The following LRRC57 variants were observed in gnomAD, a reference collection of about 807,000 sequenced individuals.
LRRC57 encodes leucine rich repeat containing 57, also known as leucine-rich repeat-containing protein 57.
In LRRC57, 14 loss-of-function variants were observed where a neutral mutation model predicts 23.1. That is an observed-to-expected ratio of 0.61 (90% CI 0.40 to 0.95). LRRC57 has a LOEUF of 0.95. Among genes scored for constraint, LRRC57 ranks in the 40% least tolerant of loss-of-function variants. The pLI, the probability that LRRC57 is intolerant of heterozygous loss-of-function variation, is 0.00. For missense variants in LRRC57, 236 were observed against 284.4 expected, an observed-to-expected ratio of 0.83 and a Z score of 1.22; for synonymous variants, 106 against 115.2, an observed-to-expected ratio of 0.92 and a Z score of 0.51.
rs1337675704 is a variant in LRRC57 at position 42,539,881 on chromosome 15, T to A, written c.*4202A>T. ...TAGACGCAGGAAAGAGGCTTAGACA[T>A]ACAGAATGAGCATATTAATTAAGAG... On this transcript the variant is annotated 3_prime_UTR_variant, in exon 6 of 6. Transcript: ENST00000397130. The A allele has an allele frequency of 6.6e-6, 1 of 152,004 alleles. No homozygotes were observed. The highest frequency in any genetic ancestry group is 1.5e-5 in the Non-Finnish European group (1 of 67,984). 9.4% of individuals were successfully genotyped at this position (152,004 alleles called of 1,614,324 possible).
At chr15:42,548,629 T>C in intron 1 of LRRC57, 64 bp downstream of exon 1, 1 of 640,390 alleles carries the variant, frequency 1.6e-6, no homozygotes, top group Non-Finnish European at 2.7e-6. Flanking sequence ...CTGCCGCCTT[T>C]GCAGCTCTGC....
At position 42,539,311 on chromosome 15, in the gene LRRC57, T is replaced by G. The variant is rs1451789868; in HGVS notation, c.*4772A>C. On this transcript the variant is annotated 3_prime_UTR_variant, in exon 6 of 6. Transcript: ENST00000397130. ...CTGGCTAACATAGTGAAACCCCATT[T>G]TACTAAAAATACAAAAATTAGCTGG... 2 of 151,392 alleles carry G rather than the reference T, an allele frequency of 1.3e-5. No homozygotes were observed. The highest frequency in any genetic ancestry group is 3.9e-4 in the East Asian group (2 of 5,166). The allele number at this position is 151,392 out of a possible 1,614,324, so 9.4% of individuals were successfully genotyped here.
At chr15:42,546,589 G>C (rs952754451) in intron 4 of LRRC57, among the ~76,000 whole-genome samples, 7 of 152,142 alleles carry the variant, frequency 4.6e-5, no homozygotes, top group Non-Finnish European at 8.8e-5. Context: ...ACAGACACTA[G>C]AAAACTAAAG....
At position 42,542,102 on chromosome 15, in the gene LRRC57, C is replaced by A. The variant is rs2057633357; in HGVS notation, c.*1981G>T. 7.4e-6 allele frequency: 1 copy of A among 135,170 alleles called. No homozygotes were observed. Among genetic ancestry groups the A allele is most frequent in the African/African-American group, 2.8e-5 (1 of 35,650 alleles). The allele number at this position is 135,170 out of a possible 1,614,324, so 8.4% of individuals were successfully genotyped here. ...ACGCAGTCTCACTCTATTGCCCAGG[C>A]TGGAGTTCAATGGCACCCTCACTGC... On this transcript the variant is annotated 3_prime_UTR_variant, in exon 6 of 6. Transcript: ENST00000397130.
Position 42,540,424 on chromosome 15 carries a change from A to T in LRRC57, c.*3659T>A, listed in dbSNP as rs1228666665. Reference sequence around the variant, plus strand: ...ATTAGGTATTATAAGTAATCTAGAGATAATTTAAAGTATCAGGAAGATACT... The same window carrying T: ...ATTAGGTATTATAAGTAATCTAGAGTTAATTTAAAGTATCAGGAAGATACT... On this transcript the variant is annotated 3_prime_UTR_variant, in exon 6 of 6. Coordinates refer to ENST00000397130, the MANE Select transcript of LRRC57 (RefSeq NM_153260.3). The T allele has an allele frequency of 6.6e-6, 1 of 152,188 alleles. No homozygotes were observed. Among genetic ancestry groups the T allele is most frequent in the African/African-American group, 2.4e-5 (1 of 41,442 alleles). 9.4% of individuals were successfully genotyped at this position (152,188 alleles called of 1,614,324 possible).
chr15:42,528,398 G>A, the LRRC57 span: 51 of 1,614,026 alleles, frequency 3.2e-5, no homozygotes, highest in Middle Eastern at 1.6e-4. Context: ...AACGGGAGCA[G>A]CCAGTGGTGG....
chr15:42,548,095 G>T lies in LRRC57; in HGVS notation c.223+11C>A. On this transcript the variant is annotated intron_variant, in intron 3 of 5. Transcript: ENST00000397130. ...GATCACTAGCAAAAGCCTCCCTGGC[G>T]AGAGCCATACTCAGTTTGTTGTTGT... The T allele has an allele frequency of 6.2e-7, 1 of 1,613,914 alleles. No individual in the cohort carries two copies. Among genetic ancestry groups the T allele is most frequent in the Non-Finnish European group, 8.5e-7 (1 of 1,179,870 alleles).
chr15:42,548,763 C>T lies in LRRC57; in HGVS notation c.-93G>A, dbSNP rs950025862. ...GACCCGCAGTAGCCGGGATGCGCTC[C>T]CCGGCTTAGTCCCGGGCGGGAACGC... On this transcript the variant is annotated 5_prime_UTR_variant, in exon 1 of 6. Coordinates refer to ENST00000397130, the MANE Select transcript of LRRC57 (RefSeq NM_153260.3). 2 of 791,594 alleles carry T rather than the reference C, an allele frequency of 2.5e-6. No individual in the cohort carries two copies. The highest frequency in any genetic ancestry group is 3.5e-5 in the South Asian group (2 of 57,516). The allele number at this position is 791,594 out of a possible 1,614,324, so 49.0% of individuals were successfully genotyped here. A position where few individuals can be genotyped will look rare whatever the true frequency, so the allele number is the denominator to read the frequency against.
At chr15:42,545,792 TCCTTA>T (rs1247907868) in intron 4 of LRRC57, among the ~76,000 whole-genome samples, 4 of 152,200 alleles carry the variant, frequency 2.6e-5, no homozygotes, top group African/African-American at 9.6e-5. Flanking sequence ...TTTGGATTCT[TCCTTA>T]CTTCTCTTGT....
intron 4 of LRRC57, among the ~76,000 whole-genome samples, chr15:42,545,651 C>T (rs980208845): frequency 5.9e-5 from 9 of 152,150 alleles, no homozygotes; most frequent in African/African-American, 2.2e-4. Flanking sequence ...TTTATGTGTA[C>T]ATAGATACTG....
chr15:42,537,561 T>A (rs888748661), downstream of LRRC57, among the ~76,000 whole-genome samples: 1 of 152,018 alleles, frequency 6.6e-6, no homozygotes, highest in African/African-American at 2.4e-5. Context: ...GGAAAGGAAA[T>A]CAATATATTA....
chr15:42,529,907 C>A, the LRRC57 span: 2 of 1,396,180 alleles, frequency 1.4e-6, no homozygotes, highest in Admixed American at 2.1e-5. Flanking sequence ...GTGGGGGACA[C>A]GGTAGAATAA....
intron 4 of LRRC57, 29 bp from the exon 5 acceptor site, chr15:42,545,291 GAAAAAGCATAAGCA>G: frequency 6.6e-7 from 1 of 1,509,272 alleles, no homozygotes; most frequent in Non-Finnish European, 8.9e-7. Context: ...AGAATAACAG[GAAAAAGCATAAGCA>G]CTATACTGGT....
chr15:42,534,716 CACA>C (rs1006207884), downstream of LRRC57, among the ~76,000 whole-genome samples: 27 of 152,308 alleles, frequency 1.8e-4, no homozygotes, highest in African/African-American at 6.3e-4. Context: ...ATGAAAACAA[CACA>C]ACATTAATCT....
the LRRC57 span, among the ~76,000 whole-genome samples, chr15:42,529,220 G>T: frequency 2.0e-5 from 3 of 152,180 alleles, no homozygotes; most frequent in African/African-American, 7.2e-5. Context: ...TCATATGGTG[G>T]CCAGATTTGG....
chr15:42,535,157 T>C (rs2057594195), downstream of LRRC57, among the ~76,000 whole-genome samples: 1 of 152,246 alleles, frequency 6.6e-6, no homozygotes, highest in African/African-American at 2.4e-5. Context: ...GTAGCCACCA[T>C]CATCATTATC....
At chr15:42,529,585 C>A in the LRRC57 span, 1 of 1,327,942 alleles carries the variant, frequency 7.5e-7, no homozygotes, top group East Asian at 2.4e-5. Flanking sequence ...TGCTGAGAGT[C>A]ATTTTGGTTA....
chr15:42,538,570 C>G lies in LRRC57; in HGVS notation c.*5513G>C, dbSNP rs1252539908. 1 of 152,046 alleles carries G rather than the reference C, an allele frequency of 6.6e-6. No individual in the cohort carries two copies. Among genetic ancestry groups the G allele is most frequent in the East Asian group, 1.9e-4 (1 of 5,192 alleles). 9.4% of individuals were successfully genotyped at this position (152,046 alleles called of 1,614,324 possible). A position where few individuals can be genotyped will look rare whatever the true frequency, so the allele number is the denominator to read the frequency against. On this transcript the variant is annotated 3_prime_UTR_variant, in exon 6 of 6. Transcript: ENST00000397130. ...CTCTGCCTGGCTCCATTTTTTTATC[C>G]TTTTAATGTAGTGTCCACTCCAAGC...
At chr15:42,534,333 G>A (rs1289537299), downstream of LRRC57, among the ~76,000 whole-genome samples, 3 of 152,138 alleles carry the variant, frequency 2.0e-5, no homozygotes, top group East Asian at 3.9e-4. Flanking sequence ...GTTTCACCAC[G>A]TTGGTCAGGC....
Sources: gnomAD v4.1 joint callset for allele counts (sites outside exome capture counted in the v4.1 genomes callset) on GRCh38, gnomAD v4.1.1 for gene constraint, MANE v1.5 for transcripts, NCBI Gene and HGNC (gene_info 2026-07-23, HGNC 2026-07-21) for gene names.